DMXL1: variants seen among roughly 807,000 people sequenced by gnomAD.
DMXL1 encodes the protein dmX-like protein 1.
In DMXL1, 99 loss-of-function variants were observed where a neutral mutation model predicts 319.2. That is an observed-to-expected ratio of 0.31 (90% CI 0.26 to 0.37). The LOEUF (loss-of-function observed/expected upper bound fraction) is 0.37, where lower values mean the gene tolerates loss of function less well. DMXL1 is among the 10% of genes least tolerant of loss of function. DMXL1 has a pLI of 1.00. For missense variants in DMXL1, 3,745 were observed against 3,595.6 expected (o/e 1.04, Z -1.06); for synonymous variants, 1,385 against 1,235.2 (o/e 1.12, Z -2.54).
At position 119,170,490 on chromosome 5, in the gene DMXL1, C is replaced by T. The variant is rs1330556810; in HGVS notation, c.5699C>T (p.Thr1900Ile). 1 of 1,613,466 alleles carries T rather than the reference C, an allele frequency of 6.2e-7. No homozygotes were observed. The highest frequency in any genetic ancestry group is 2.2e-5 in the East Asian group (1 of 44,880). Residue 1900 changes from threonine to isoleucine, a missense_variant, in exon 24 of 44, where the codon ACT becomes ATT. This residue lies in a region of DMXL1 where 1,382 missense variants were observed against 1,269.5 expected (regional missense o/e 1.09). Transcript: ENST00000539542. ...TATAGGGCTTCTAGTTTTCTGGATA[C>T]TAGTAAAGACTGTTCTCCTTCTTCT... ...PFYRASSFLD[T>I]SKDCSPSSPL...
intron 1 of DMXL1, among the ~76,000 whole-genome samples, chr5:119,094,567 C>G (rs1027008351): frequency 2.0e-5 from 3 of 152,144 alleles, no homozygotes; most frequent in African/African-American, 7.2e-5. Context: ...AGTCCATGAA[C>G]CAAGAAATGC....
chr5:119,160,804 A>G (rs1044020347), intron 19 of DMXL1, among the ~76,000 whole-genome samples: 2 of 152,122 alleles, frequency 1.3e-5, no homozygotes, highest in African/African-American at 4.8e-5. Context: ...TTTGACTTAA[A>G]GTCTATTTTG....
intron 1 of DMXL1, among the ~76,000 whole-genome samples, chr5:119,087,164 C>G (rs1247369051): frequency 1.3e-5 from 2 of 150,040 alleles, no homozygotes; most frequent in Non-Finnish European, 3.0e-5. Flanking sequence ...GTCTCTATTT[C>G]ATTTATTTAT....
intron 14 of DMXL1, among the ~76,000 whole-genome samples, 190 bp from the exon 15 acceptor site, chr5:119,144,346 A>G (rs1470644634): frequency 1.3e-5 from 2 of 151,818 alleles, no homozygotes; most frequent in Non-Finnish European, 3.0e-5. Context: ...ATGAAAGCAA[A>G]TCATCTTGAC....
In DMXL1 at chr5:119,148,986, T is replaced by C. The variant is rs747645082; in HGVS notation, c.3159T>C (p.His1053=). Residue 1053 remains histidine, a synonymous_variant, in exon 18 of 44, where the codon CAT becomes CAC. Transcript: ENST00000539542. ...PGRPVEVSCA[H]TNRLAVAYKQ... ...GGCCTGTAGAAGTTAGCTGTGCACATACAAATCGTTTAGCAGTAGCTTATA... is the reference window on the plus strand; with the variant it reads ...GGCCTGTAGAAGTTAGCTGTGCACACACAAATCGTTTAGCAGTAGCTTATA... 6 of 1,613,960 alleles carry C rather than the reference T, an allele frequency of 3.7e-6. No individual in the cohort carries two copies. The highest frequency in any genetic ancestry group is 5.1e-6 in the Non-Finnish European group (6 of 1,179,862).
intron 22 of DMXL1, among the ~76,000 whole-genome samples, chr5:119,167,384 A>G (rs1047839488): frequency 6.6e-6 from 1 of 152,086 alleles, no homozygotes; most frequent in African/African-American, 2.4e-5. Context: ...ACATATATAT[A>G]TATTTAGTAC....
intron 42 of DMXL1, among the ~76,000 whole-genome samples, chr5:119,242,778 G>C (rs1246568017): frequency 2.6e-5 from 4 of 152,136 alleles, no homozygotes; most frequent in African/African-American, 4.8e-5. Context: ...AGAACAGAAT[G>C]GGGAGCCCAC....
chr5:119,240,519 A>G (rs773079697), intron 42 of DMXL1, 48 bp downstream of exon 42: 1 of 1,247,706 alleles, frequency 8.0e-7, no homozygotes, highest in Non-Finnish European at 1.2e-6. Context: ...GGAAATTCAT[A>G]AGCTAAATAT....
intron 1 of DMXL1, 133 bp from the exon 2 acceptor site, chr5:119,097,846 T>TA (rs1327023701): frequency 1.2e-6 from 1 of 818,624 alleles, no homozygotes; most frequent in Admixed American, 3.3e-5. Flanking sequence ...ATTTTTTTTT[T>TA]AAGAAAACAC....
At chr5:119,185,064 G>C (rs1252468368) in intron 28 of DMXL1, among the ~76,000 whole-genome samples, 1 of 151,950 alleles carries the variant, frequency 6.6e-6, no homozygotes, top group Non-Finnish European at 1.5e-5. Flanking sequence ...GTTAAACATT[G>C]ACAAAATTTA....
chr5:119,209,243 T>A (rs1782302443), intron 34 of DMXL1, among the ~76,000 whole-genome samples: 1 of 152,186 alleles, frequency 6.6e-6, no homozygotes, highest in Admixed American at 6.5e-5. Context: ...GACTGGATCA[T>A]GTGTAGGTAT....
chr5:119,114,200 T>A (rs1760298461), intron 5 of DMXL1, among the ~76,000 whole-genome samples: 1 of 152,216 alleles, frequency 6.6e-6, no homozygotes, highest in Non-Finnish European at 1.5e-5. Context: ...AATGAAACCA[T>A]TCTCTCTCAT....
At chr5:119,185,133 C>T (rs1156429358) in intron 28 of DMXL1, among the ~76,000 whole-genome samples, 3 of 151,386 alleles carry the variant, frequency 2.0e-5, no homozygotes, top group African/African-American at 4.9e-5. Context: ...CTCCACCTGC[C>T]CCCATCTCTC....
chr5:119,131,893 G>A (rs1764977900), intron 10 of DMXL1, among the ~76,000 whole-genome samples: 2 of 152,164 alleles, frequency 1.3e-5, no homozygotes, highest in South Asian at 4.1e-4. Context: ...TTGTGTGTGT[G>A]TTTGTACTAA....
chr5:119,178,014 G>T lies in DMXL1; in HGVS notation c.6905G>T (p.Arg2302Leu). 1 of 1,604,406 alleles carries T rather than the reference G, an allele frequency of 6.2e-7. No homozygotes were observed. Among genetic ancestry groups the T allele is most frequent in the Non-Finnish European group, 8.5e-7 (1 of 1,174,684 alleles). The change falls in exon 28 of 44, where the codon CGA (arginine) becomes CTA (leucine). Residue 2302 changes from arginine to leucine, a missense_variant. By Grantham distance (102) the Arg-to-Leu change is moderately radical. Around this residue, in one of 4 missense-constraint regions of DMXL1, gnomAD observed 1,382 missense variants for 1,269.5 expected, o/e 1.09. Coordinates refer to ENST00000539542, the MANE Select transcript of DMXL1 (RefSeq NM_001290321.3). ...AQWPGITCLI[R>L]LLNSSGEEAQ... ...GTTCTAGGAATAACTTGTCTAATTC[G>T]ACTTTTGAATTCTTCTGGCGAGGAA...
At chr5:119,096,122 A>G (rs1464201057) in intron 1 of DMXL1, among the ~76,000 whole-genome samples, 1 of 152,020 alleles carries the variant, frequency 6.6e-6, no homozygotes, top group African/African-American at 2.4e-5. Flanking sequence ...ATTTTTTGAT[A>G]GAGTATACAG....
chr5:119,225,218 ATTAC>A (rs1785320244), intron 38 of DMXL1, among the ~76,000 whole-genome samples: 1 of 152,004 alleles, frequency 6.6e-6, no homozygotes, highest in African/African-American at 2.4e-5. Flanking sequence ...TTTGTATTTT[ATTAC>A]TTTTTTTCAG....
intron 1 of DMXL1, among the ~76,000 whole-genome samples, chr5:119,090,044 G>A (rs1335684933): frequency 5.7e-5 from 3 of 52,384 alleles, no homozygotes; most frequent in Non-Finnish European, 1.0e-4. Flanking sequence ...TTTTGAGAAG[G>A]ACTTTCGCTC....
intron 43 of DMXL1, among the ~76,000 whole-genome samples, chr5:119,245,642 C>T (rs1789609608): frequency 1.3e-5 from 2 of 151,210 alleles, no homozygotes; most frequent in Admixed American, 1.3e-4. Flanking sequence ...CGGGTTCAAG[C>T]GATTTCCCTG....
Sources: allele counts gnomAD v4.1 joint callset (sites outside exome capture counted in the v4.1 genomes callset), GRCh38; gene constraint gnomAD v4.1.1; regional missense constraint gnomAD v4.1.1; transcripts MANE v1.5; gene names NCBI Gene and HGNC (gene_info 2026-07-23, HGNC 2026-07-21).